Variants in LMX1A observed in about 807,000 individuals in gnomAD.
The protein encoded by LMX1A is LIM homeobox transcription factor 1 alpha.
In LMX1A, 15 loss-of-function variants were observed where a neutral mutation model predicts 49.1. The observed-to-expected ratio is 0.31, with a 90% confidence interval of 0.20 to 0.47. The LOEUF (loss-of-function observed/expected upper bound fraction) is 0.47, where lower values mean the gene tolerates loss of function less well. Ranked by LOEUF, LMX1A falls within the 20% of genes least tolerant of loss-of-function variation. The pLI is 1.00. For missense variants in LMX1A, 372 were observed against 475.8 expected (o/e 0.78, Z 2.03); for synonymous variants, 167 against 185.7 (o/e 0.90, Z 0.82).
rs1047407153 is a variant in LMX1A at position 165,311,449 on chromosome 1, G to C, written c.263+41627C>G. ...CCACTGAAGGGATGACACGACAGGA[G>C]TGGCCTGCCCCTCAGAACCCCAGGT... is the stretch of plus-strand genomic sequence containing the variant. On this transcript the variant is annotated intron_variant, in intron 3 of 8. Coordinates refer to ENST00000342310, the MANE Select transcript of LMX1A (RefSeq NM_177398.4). Among the ~76,000 whole-genome samples the C allele has an allele frequency of 2.0e-5, 3 of 152,204 alleles. No individual in the cohort carries two copies. The East Asian group carries it at 5.8e-4, about 29-fold the overall frequency.
At chr1:165,249,696 T>G (rs1488330672) in intron 3 of LMX1A, 56 bp from the exon 4 acceptor site, 2 of 1,386,506 alleles carry the variant, frequency 1.4e-6, no homozygotes, top group Admixed American at 1.9e-5. Context: ...GGCTTGGTCC[T>G]GGGTCTCCCC....
At chr1:165,247,649 C>T (rs930932019) in intron 4 of LMX1A, among the ~76,000 whole-genome samples, 1 of 152,194 alleles carries the variant, frequency 6.6e-6, no homozygotes, top group Non-Finnish European at 1.5e-5. Context: ...TAAAGGGAGC[C>T]GAACACGGCT....
chr1:165,260,201 ACAG>A (rs1172699406), intron 3 of LMX1A, among the ~76,000 whole-genome samples: 2 of 152,302 alleles, frequency 1.3e-5, no homozygotes, highest in East Asian at 3.9e-4. Flanking sequence ...CCAGAAAACA[ACAG>A]AGCAGAAGAA....
intron 3 of LMX1A, among the ~76,000 whole-genome samples, chr1:165,272,924 G>A (rs1020034418): frequency 6.6e-6 from 1 of 152,088 alleles, no homozygotes; most frequent in East Asian, 1.9e-4. Flanking sequence ...ATTCTTCCAC[G>A]GACCACAGAG....
chr1:165,222,350 T>C (rs568133858), intron 4 of LMX1A, among the ~76,000 whole-genome samples: 10 of 152,334 alleles, frequency 6.6e-5, no homozygotes, highest in Non-Finnish European at 1.3e-4. Flanking sequence ...GAGTATTATA[T>C]GCATGACATT....
intron 8 of LMX1A, 22 bp downstream of exon 8, chr1:165,205,842 G>C (rs764321561): frequency 3.1e-5 from 50 of 1,611,844 alleles, no homozygotes; most frequent in African/African-American, 4.0e-5. Context: ...GAGAGGGCCC[G>C]AGGGGCTTAA....
At chr1:165,227,478 C>T (rs113702685) in intron 4 of LMX1A, among the ~76,000 whole-genome samples, 2,397 of 152,224 alleles carry the variant, frequency 0.016, 27 homozygotes, top group Non-Finnish European at 0.025. Flanking sequence ...GAAGTGGAGG[C>T]TGCAGTGAGC....
intron 3 of LMX1A, among the ~76,000 whole-genome samples, chr1:165,304,514 T>TG (rs1423434572): frequency 6.6e-6 from 1 of 152,232 alleles, no homozygotes; most frequent in African/African-American, 2.4e-5. Context: ...CAGTTATGAT[T>TG]GGGTCTGCTC....
chr1:165,227,821 C>T (rs1252689098), intron 4 of LMX1A, among the ~76,000 whole-genome samples: 1 of 151,962 alleles, frequency 6.6e-6, no homozygotes, highest in Non-Finnish European at 1.5e-5. Flanking sequence ...ACCAAAAAGT[C>T]TTGGTTTTTG....
intron 3 of LMX1A, among the ~76,000 whole-genome samples, chr1:165,324,710 C>T (rs4656444): frequency 0.36 from 55,388 of 151,998 alleles, 10,445 homozygotes; most frequent in East Asian, 0.68. Flanking sequence ...CAAAGTGTTA[C>T]TCAAATTTCA....
At chr1:165,223,740 T>C (rs1244119625) in intron 4 of LMX1A, among the ~76,000 whole-genome samples, 1 of 152,024 alleles carries the variant, frequency 6.6e-6, no homozygotes, top group Non-Finnish European at 1.5e-5. Flanking sequence ...GACAATTTTG[T>C]ATGTTGTCTT....
chr1:165,208,331 G>A (rs1025021588), intron 6 of LMX1A, among the ~76,000 whole-genome samples, 199 bp from the exon 7 acceptor site: 1 of 152,244 alleles, frequency 6.6e-6, no homozygotes, highest in African/African-American at 2.4e-5. Flanking sequence ...CTCTGCAGCA[G>A]TATAAAGACA....
chr1:165,244,704 G>A (rs1181853009), intron 4 of LMX1A, among the ~76,000 whole-genome samples: 4 of 152,112 alleles, frequency 2.6e-5, no homozygotes, highest in Admixed American at 2.0e-4. Context: ...AGCATCTGAT[G>A]GGAACTTGGA....
chr1:165,236,057 G>A (rs892263348), intron 4 of LMX1A, among the ~76,000 whole-genome samples: 2 of 152,194 alleles, frequency 1.3e-5, no homozygotes, highest in African/African-American at 2.4e-5. Flanking sequence ...GACTGGCACC[G>A]ACGCCGCCCC....
At chr1:165,353,008 G>A (rs765828092) in intron 3 of LMX1A, 68 bp downstream of exon 3, 137 of 1,512,132 alleles carry the variant, frequency 9.1e-5, no homozygotes, top group Non-Finnish European at 1.2e-4. Context: ...TAGGGTAAAG[G>A]AGGACAAAGT....
chr1:165,230,162 C>T (rs1652189376), intron 4 of LMX1A, among the ~76,000 whole-genome samples: 1 of 152,212 alleles, frequency 6.6e-6, no homozygotes, highest in African/African-American at 2.4e-5. Context: ...TGACCTCCAA[C>T]TTCCAGCGAC....
intron 3 of LMX1A, among the ~76,000 whole-genome samples, chr1:165,291,922 C>T (rs539771094): frequency 1.4e-4 from 22 of 152,070 alleles, no homozygotes; most frequent in African/African-American, 5.1e-4. Flanking sequence ...ATTAGCCGGG[C>T]ATGGTGGCGC....
At chr1:165,239,110 A>G (rs894526145) in intron 4 of LMX1A, among the ~76,000 whole-genome samples, 6 of 152,006 alleles carry the variant, frequency 3.9e-5, no homozygotes, top group African/African-American at 1.5e-4. Context: ...GGCCAATTTT[A>G]TTTTTTACAG....
intron 3 of LMX1A, among the ~76,000 whole-genome samples, chr1:165,345,264 T>C (rs563803249): frequency 4.3e-4 from 65 of 152,288 alleles, no homozygotes; most frequent in Admixed American, 1.2e-3. Flanking sequence ...GTGGCTGCTG[T>C]GCAACTGAAG....
Sources: allele counts gnomAD v4.1 joint callset (sites outside exome capture counted in the v4.1 genomes callset), GRCh38; gene constraint gnomAD v4.1.1; transcripts MANE v1.5; gene names NCBI Gene and HGNC (gene_info 2026-07-23, HGNC 2026-07-21).